The following MICAL1 variants were observed in gnomAD, a reference collection of about 807,000 sequenced individuals.
MICAL1 encodes the protein microtubule associated monooxygenase, calponin and LIM domain containing 1, also known as [F-actin]-monooxygenase MICAL1.
In MICAL1, 95 loss-of-function variants were observed where a neutral mutation model predicts 131.8. The ratio of observed to expected loss-of-function variants is 0.72; its 90% CI spans 0.61 to 0.86. The LOEUF (loss-of-function observed/expected upper bound fraction) is 0.86. Among genes scored for constraint, MICAL1 ranks in the 40% least tolerant of loss-of-function variants. The pLI is 0.00. For synonymous variants in MICAL1, 546 were observed against 554.2 expected, an observed-to-expected ratio of 0.99 and a Z score of 0.21; for missense variants, 1,292 against 1,380.6, an observed-to-expected ratio of 0.94 and a Z score of 1.02.
chr6:109,447,327 C>T (rs1775274090), intron 16 of MICAL1, 30 bp downstream of exon 16: 1 of 1,613,466 alleles, frequency 6.2e-7, no homozygotes, highest in Non-Finnish European at 8.5e-7. Context: ...CTCCCCGGGC[C>T]TCTGCCTGCA....
rs776796134 is a variant in MICAL1 at position 109,446,201 on chromosome 6, G to A, written c.2516C>T (p.Ala839Val). Reference protein sequence around the residue: ...PPPKPPRSCSALARHALESSF... With the variant: ...PPPKPPRSCSVLARHALESSF... The stretch of plus-strand genomic sequence containing the variant: ...GCTCTCCAGGGCGTGGCGGGCCAAG[G>A]CGGAGCAGCTGCGGGGAGGCTTGGG... Residue 839 changes from alanine to valine, a missense_variant, in exon 19 of 25, where the codon GCC (alanine) becomes GTC (valine). By Grantham distance (64) the Ala-to-Val change is moderately conservative. Transcript: ENST00000358807. 1.3e-6 allele frequency: 2 copies of A among 1,597,488 alleles called. No homozygotes were observed. The highest frequency in any genetic ancestry group is 1.7e-6 in the Non-Finnish European group (2 of 1,172,894).
rs375829612 is a variant in MICAL1 at position 109,453,387 on chromosome 6, A to G, written c.467-20T>C. ...TGATGCCTGGAAGGGAGAGGACATT[A>G]GGAACAGGGACCCTAGGGCAGCACA... On this transcript the variant is annotated intron_variant, in intron 3 of 24. Coordinates refer to ENST00000358807, the MANE Select transcript of MICAL1 (RefSeq NM_022765.4). 291 of 1,609,876 alleles carry G rather than the reference A, an allele frequency of 1.8e-4. No homozygotes were observed. Among genetic ancestry groups the G allele is most frequent in the Middle Eastern group, 1.2e-3 (7 of 6,052 alleles).
chr6:109,465,055 T>G (rs1224383762), intron 1 of MICAL1: 1 of 152,208 alleles, frequency 6.6e-6, no homozygotes, highest in Non-Finnish European at 1.5e-5. Context: ...TGACAAAAAT[T>G]CAGAATTTAG....
upstream of MICAL1, among the ~76,000 whole-genome samples, chr6:109,457,529 TGAGATCCAGAGACCATAA>T (rs11275416): frequency 0.54 from 76,811 of 143,452 alleles, 19,979 homozygotes; most frequent in African/African-American, 0.71. Flanking sequence ...TTGCTGTCCT[TGAGATCCAGAGACCATAA>T]GAGATCCAGA....
intron 17 of MICAL1, 132 bp downstream of exon 17, chr6:109,446,941 A>C: frequency 7.8e-7 from 1 of 1,283,392 alleles, no homozygotes; most frequent in Non-Finnish European, 1.1e-6. Context: ...GGGACAGAGA[A>C]GACCCTGAGC....
At chr6:109,454,268 G>A (rs776773637) in intron 1 of MICAL1, 29 bp from the exon 2 acceptor site, 2 of 1,524,156 alleles carry the variant, frequency 1.3e-6, no homozygotes, top group Non-Finnish European at 8.8e-7. Flanking sequence ...AAGGGGAAGA[G>A]GCTGGAGAAC....
chr6:109,459,572 A>C (rs1034922977), upstream of MICAL1, among the ~76,000 whole-genome samples: 13 of 152,036 alleles, frequency 8.6e-5, no homozygotes, highest in East Asian at 2.5e-3. Flanking sequence ...TTTCCTTCCC[A>C]CCTTATTCCT....
rs1239817658 is a variant in MICAL1 at position 109,447,723 on chromosome 6, C to T, written c.1945-1G>A. 1 of 1,613,962 alleles carries T rather than the reference C, an allele frequency of 6.2e-7. No homozygotes were observed. Among genetic ancestry groups the T allele is most frequent in the East Asian group, 2.2e-5 (1 of 44,888 alleles). On this transcript the variant is annotated splice_acceptor_variant, in intron 14 of 24. Transcript: ENST00000358807. LOFTEE classifies it high-confidence loss of function. ...TGCCACCAGCATCCTCTGCATTTTC[C>T]TGCAATAAGTCCTAACAGCTCTAAG...
chr6:109,447,387 T>C lies in MICAL1; in HGVS notation c.2040A>G (p.Val680=). The change falls in exon 16 of 25, where the codon GTA becomes GTG. Residue 680 remains valine (V), a synonymous_variant. Transcript: ENST00000358807. ...TEVPPDPEPG[V]PLTPPSQHQE... ...GGTGTTGGGATGGGGGTGTCAGGGGTACACCAGGCTCTGGGTCAGGTGGCA... is the reference window on the plus strand; with the variant it reads ...GGTGTTGGGATGGGGGTGTCAGGGGCACACCAGGCTCTGGGTCAGGTGGCA... 6.2e-7 allele frequency: 1 copy of C among 1,613,198 alleles called. No individual in the cohort carries two copies. Among genetic ancestry groups the C allele is most frequent in the Non-Finnish European group, 8.5e-7 (1 of 1,179,820 alleles).
chr6:109,450,903 T>A (rs1050393417), intron 7 of MICAL1, among the ~76,000 whole-genome samples: 1 of 152,190 alleles, frequency 6.6e-6, no homozygotes, highest in East Asian at 1.9e-4. Context: ...AGATGGGAGA[T>A]GCAAATTTAA....
rs752103251 is a variant in MICAL1, at chr6:109,448,370, A to G, written c.1688T>C (p.Leu563Pro). The stretch of plus-strand genomic sequence containing the variant: ...CCAAGCAGTTGCTTCCAGAGCTCCC[A>G]GCCCCTGCAGCTCTGAGGGTTCCCT... Reference protein sequence around the residue: ...GLLEPSELQGLGALEATAWAL... With the variant: ...GLLEPSELQGPGALEATAWAL... The change falls in exon 13 of 25, where the codon CTG (leucine) becomes CCG (proline). Residue 563 changes from leucine to proline, a missense_variant. Leu to Pro is a moderately conservative substitution (Grantham distance 98, BLOSUM62 -3). Coordinates refer to ENST00000358807, the MANE Select transcript of MICAL1 (RefSeq NM_022765.4). 16 of 1,613,628 alleles carry G rather than the reference A, an allele frequency of 9.9e-6. No homozygotes were observed. Among genetic ancestry groups the G allele is most frequent in the Non-Finnish European group, 1.4e-5 (16 of 1,180,004 alleles).
Position 109,447,247 on chromosome 6 carries a change from A to G in MICAL1, c.2071-18T>C, listed in dbSNP as rs1188195163. On this transcript the variant is annotated intron_variant, in intron 16 of 24. Coordinates refer to ENST00000358807, the MANE Select transcript of MICAL1 (RefSeq NM_022765.4). ...GCACCGGCCTGCGTGGACCCCCAGGACACAGGGTCAGGTGGAGCCAAGGCC... is the reference window on the plus strand; with the variant it reads ...GCACCGGCCTGCGTGGACCCCCAGGGCACAGGGTCAGGTGGAGCCAAGGCC... 1 of 1,613,940 alleles carries G rather than the reference A, an allele frequency of 6.2e-7. No homozygotes were observed. The highest frequency in any genetic ancestry group is 1.1e-5 in the South Asian group (1 of 91,082).
rs1424808997 is a variant in MICAL1 at position 109,452,511 on chromosome 6, C to G, written c.676G>C (p.Gly226Arg). Residue 226 changes from glycine to arginine, a missense_variant and splice_region_variant, in exon 5 of 25, where the codon GGC becomes CGC. Gly to Arg is a moderately radical substitution (Grantham distance 125, BLOSUM62 -2). Transcript: ENST00000358807. ...SAAGGKFVPE[G>R]FKVREMRGKL... is the part of the protein sequence containing the mutation. ...TTCTTTGAGGGAAGTGATCACTCAC[C>G]TTCAGGGACGAATTTACCTCCTGCA... 1 of 1,613,820 alleles carries G rather than the reference C, an allele frequency of 6.2e-7. No homozygotes were observed. Among genetic ancestry groups the G allele is most frequent in the Admixed American group, 1.7e-5 (1 of 59,986 alleles).
At chr6:109,448,156 C>T (rs1775329847) in intron 13 of MICAL1, 47 bp downstream of exon 13, 4 of 1,584,802 alleles carry the variant, frequency 2.5e-6, no homozygotes, top group African/African-American at 1.3e-5. Flanking sequence ...CACACACACA[C>T]ACACCTCCCC....
rs771509547 is a variant in MICAL1 at position 109,452,371 on chromosome 6, A to G, written c.707T>C (p.Leu236Pro). ...AAAGTTGGCTGTGATGCCAATGGCC[A>G]GTTTGCCTCGCATTTCTCGAACTTT... ...GFKVREMRGK[L>P]AIGITANFVN... The change falls in exon 6 of 25, where the codon CTG (leucine) becomes CCG (proline). Residue 236 changes from leucine to proline, a missense_variant. Transcript: ENST00000358807. 28 of 1,614,056 alleles carry G rather than the reference A, an allele frequency of 1.7e-5. No individual in the cohort carries two copies. Among genetic ancestry groups the G allele is most frequent in the Non-Finnish European group, 2.4e-5 (28 of 1,180,028 alleles).
At chr6:109,462,206 CAT>C (rs1330248099) in intron 1 of MICAL1, among the ~76,000 whole-genome samples, 2 of 152,196 alleles carry the variant, frequency 1.3e-5, no homozygotes, top group East Asian at 1.9e-4. Flanking sequence ...GAGGGAAGGA[CAT>C]GTGAAGATAC....
rs771269134 is a variant in MICAL1 at position 109,448,321 on chromosome 6, C to T, written c.1737G>A (p.Glu579=). Residue 579 remains glutamate, a synonymous_variant, in exon 13 of 25, where the codon GAG becomes GAA. Coordinates refer to ENST00000358807, the MANE Select transcript of MICAL1 (RefSeq NM_022765.4). The part of the protein sequence containing the change: ...TAWALKVAEN[E]LGITPVVSAQ... ...CAGACACCACCGGTGTGATGCCCAG[C>T]TCATTCTCTGCCACCTTTAGTGCCC... The T allele has an allele frequency of 6.2e-7, 1 of 1,614,068 alleles. No individual in the cohort carries two copies. Among genetic ancestry groups the T allele is most frequent in the Non-Finnish European group, 8.5e-7 (1 of 1,180,026 alleles).
chr6:109,450,897 G>A (rs1480538810), intron 7 of MICAL1, among the ~76,000 whole-genome samples: 1 of 152,148 alleles, frequency 6.6e-6, no homozygotes, highest in Non-Finnish European at 1.5e-5. Context: ...AGAATTAGAT[G>A]GGAGATGCAA....
Position 109,450,522 on chromosome 6 carries a change from G to A in MICAL1, c.969C>T (p.Ala323=). 5 of 1,611,814 alleles carry A rather than the reference G, an allele frequency of 3.1e-6. No individual in the cohort carries two copies. The highest frequency in any genetic ancestry group is 4.2e-6 in the Non-Finnish European group (5 of 1,178,960). Residue 323 remains alanine, a synonymous_variant, in exon 8 of 25, where the codon GCC becomes GCT. Transcript: ENST00000358807. ...WPDTNRLLGS[A]NVVPEALQRF... The stretch of plus-strand genomic sequence containing the variant: ...GCTGCAGAGCCTCGGGCACCACATT[G>A]GCACTGCCCAGCAGCCGATTGGTGT...
Sources: gnomAD v4.1 joint callset for allele counts (sites outside exome capture counted in the v4.1 genomes callset) on GRCh38, gnomAD v4.1.1 for gene constraint, MANE v1.5 for transcripts, NCBI Gene and HGNC (gene_info 2026-07-23, HGNC 2026-07-21) for gene names.